Variants in NLGN1 observed in about 807,000 individuals in gnomAD.
The protein encoded by NLGN1 is neuroligin 1.
In NLGN1, 12 loss-of-function variants were observed where a neutral mutation model predicts 65.5. The ratio of observed to expected loss-of-function variants is 0.18; its 90% CI spans 0.12 to 0.30. NLGN1 has a LOEUF of 0.30. Among genes scored for constraint, NLGN1 ranks in the 10% least tolerant of loss-of-function variants. NLGN1 has a pLI of 1.00. For synonymous variants in NLGN1, 350 were observed against 359.5 expected (o/e 0.97, Z 0.30); for missense variants, 750 against 1,007.1 (o/e 0.74, Z 3.46).
chr3:174,179,835 G>T (rs1730071017), intron 4 of NLGN1, among the ~76,000 whole-genome samples: 1 of 152,086 alleles, frequency 6.6e-6, no homozygotes, highest in African/African-American at 2.4e-5. Flanking sequence ...TCTCTAAGAA[G>T]CAGCATCCAC....
intron 4 of NLGN1, among the ~76,000 whole-genome samples, chr3:174,129,108 A>C (rs1374273547): frequency 1.3e-5 from 2 of 152,088 alleles, no homozygotes; most frequent in African/African-American, 4.8e-5. Context: ...CAAGCAGATA[A>C]GTAGCGTATA....
intron 3 of NLGN1, among the ~76,000 whole-genome samples, chr3:173,745,609 A>G (rs2150126536): frequency 6.6e-6 from 1 of 152,144 alleles, no homozygotes; most frequent in Non-Finnish European, 1.5e-5. Flanking sequence ...AGGAATTTTA[A>G]TTGATGATCA....
chr3:173,956,932 A>G (rs1185031810), intron 4 of NLGN1, among the ~76,000 whole-genome samples: 1 of 152,158 alleles, frequency 6.6e-6, no homozygotes. Context: ...TTTTCTTCAG[A>G]GAACTCACAG....
exon 7 of NLGN1, chr3:174,283,932 A>G (rs1751832528): frequency 6.6e-6 from 1 of 151,432 alleles, no homozygotes. Flanking sequence ...ATAAGATATG[A>G]ATGAATACTT....
intron 5 of NLGN1, among the ~76,000 whole-genome samples, chr3:174,277,348 T>C (rs1042210103): frequency 6.6e-6 from 1 of 151,934 alleles, no homozygotes; most frequent in Non-Finnish European, 1.5e-5. Flanking sequence ...ATTTCACTAA[T>C]ATGATAAAAC....
At chr3:173,754,366 C>T (rs1377496645) in intron 3 of NLGN1, among the ~76,000 whole-genome samples, 1 of 152,072 alleles carries the variant, frequency 6.6e-6, no homozygotes. Context: ...AAAATGTCCT[C>T]ATATTGGTAA....
chr3:173,906,872 C>CAAAAA (rs1738509369), intron 4 of NLGN1, among the ~76,000 whole-genome samples: 7 of 56,390 alleles, frequency 1.2e-4, no homozygotes, highest in African/African-American at 4.0e-4. Flanking sequence ...AACAAACAAA[C>CAAAAA]AAAAACAAAA....
intron 4 of NLGN1, among the ~76,000 whole-genome samples, chr3:173,986,016 C>T (rs1458269871): frequency 6.6e-6 from 1 of 152,018 alleles, no homozygotes; most frequent in Non-Finnish European, 1.5e-5. Flanking sequence ...AATTATAGTT[C>T]CCTCAAGACT....
intron 4 of NLGN1, among the ~76,000 whole-genome samples, chr3:174,243,552 T>C (rs533112296): frequency 6.6e-6 from 1 of 152,308 alleles, no homozygotes; most frequent in African/African-American, 2.4e-5. Context: ...ATCTTAAAAA[T>C]TCCCCTATGT....
rs73050414 is a variant in NLGN1 at position 173,737,904 on chromosome 3, C to G, written c.494-69776C>G. Among the ~76,000 whole-genome samples the G allele has an allele frequency of 5.4e-3, 819 of 152,114 alleles. 8 individuals are homozygous for G. Among genetic ancestry groups the G allele is most frequent in the African/African-American group, 0.018 (759 of 41,530 alleles). On this transcript the variant is annotated intron_variant, in intron 3 of 6. Coordinates refer to ENST00000457714, the Ensembl canonical transcript of NLGN1. The stretch of plus-strand genomic sequence containing the variant: ...TATGAGGATTCCAACTTCTCTGCAT[C>G]CTCACCAACACTTGCTTATCTGTCT...
intron 3 of NLGN1, among the ~76,000 whole-genome samples, chr3:173,720,181 G>A (rs1386526771): frequency 1.3e-5 from 2 of 152,104 alleles, no homozygotes; most frequent in Admixed American, 1.3e-4. Flanking sequence ...ATCCAGGCCT[G>A]CTAAATCAGG....
chr3:173,833,624 ACT>A (rs1723024582), intron 4 of NLGN1, among the ~76,000 whole-genome samples: 1 of 151,634 alleles, frequency 6.6e-6, no homozygotes, highest in South Asian at 2.1e-4. Context: ...GCCACAAGTG[ACT>A]CTCCCACCTC....
intron 4 of NLGN1, among the ~76,000 whole-genome samples, chr3:173,865,847 T>C (rs1261672578): frequency 1.3e-5 from 2 of 152,198 alleles, no homozygotes; most frequent in African/African-American, 2.4e-5. Context: ...GGAGGAAATA[T>C]GATGAAGAAC....
chr3:174,060,337 G>A (rs558211163), intron 4 of NLGN1, among the ~76,000 whole-genome samples: 1 of 152,190 alleles, frequency 6.6e-6, no homozygotes, highest in South Asian at 2.1e-4. Flanking sequence ...TCAAGTTGAT[G>A]TGAAGAATAG....
intron 3 of NLGN1, among the ~76,000 whole-genome samples, chr3:173,782,917 A>G (rs1781395517): frequency 1.3e-5 from 2 of 151,928 alleles, no homozygotes; most frequent in Admixed American, 1.3e-4. Flanking sequence ...ATGTACTAAT[A>G]CAAAGAGATC....
In NLGN1 at chr3:173,810,734, T is replaced by TA. The variant is rs200378522; in HGVS notation, c.646+2910dup. Among the ~76,000 whole-genome samples, 781 of 152,218 alleles carry TA rather than the reference T, an allele frequency of 5.1e-3. 9 individuals are homozygous for TA. The highest frequency in any genetic ancestry group is 0.018 in the African/African-American group (746 of 41,538). On this transcript the variant is annotated intron_variant, in intron 4 of 6. Coordinates refer to ENST00000457714, the Ensembl canonical transcript of NLGN1. ...ATTTTTCAGTTTAAAGATCTCATGT[T>TA]AAAAAAAATTTGTTTATTACAAAGT...
Position 173,632,932 on chromosome 3 carries a change from A to G in NLGN1, c.493+27841A>G, listed in dbSNP as rs148187891. Among the ~76,000 whole-genome samples the G allele has an allele frequency of 3.4e-5, 5 of 147,426 alleles. No individual in the cohort carries two copies. In the East Asian group the frequency reaches 8.3e-4, roughly 24 times the overall value. On this transcript the variant is annotated intron_variant, in intron 3 of 6. Coordinates refer to ENST00000457714, the Ensembl canonical transcript of NLGN1. Reference sequence around the variant, plus strand: ...TTAGTACTTGCTGCCTGAGAGCAGTATGAGTGTAATTGCTTCAAGCAAACT... The same window carrying G: ...TTAGTACTTGCTGCCTGAGAGCAGTGTGAGTGTAATTGCTTCAAGCAAACT...
chr3:173,943,936 G>A (rs1457077834), intron 4 of NLGN1, among the ~76,000 whole-genome samples: 1 of 152,110 alleles, frequency 6.6e-6, no homozygotes, highest in African/African-American at 2.4e-5. Context: ...AACATCATTA[G>A]TAACAAATAT....
chr3:173,616,546 G>C (rs1221515518), intron 3 of NLGN1, among the ~76,000 whole-genome samples: 1 of 152,088 alleles, frequency 6.6e-6, no homozygotes, highest in Non-Finnish European at 1.5e-5. Flanking sequence ...AAATAAGTGA[G>C]GTATTACTAA....
Sources: gnomAD v4.1 joint callset for allele counts (sites outside exome capture counted in the v4.1 genomes callset) on GRCh38, gnomAD v4.1.1 for gene constraint, MANE v1.5 for transcripts, NCBI Gene and HGNC (gene_info 2026-07-23, HGNC 2026-07-21) for gene names.